Variants in ITCH observed in about 807,000 individuals in gnomAD.
ITCH encodes the protein itchy E3 ubiquitin protein ligase.
Under a neutral mutation model 126.8 loss-of-function variants are expected in ITCH, and 28 were observed. That is an observed-to-expected ratio of 0.22 (90% CI 0.16 to 0.30). ITCH has a LOEUF of 0.30. Among genes scored for constraint, ITCH ranks in the 10% least tolerant of loss-of-function variants. The pLI is 1.00. For synonymous variants in ITCH, 342 were observed against 340.0 expected (o/e 1.01, Z -0.06); for missense variants, 631 against 1,032.4 (o/e 0.61, Z 5.33).
intron 3 of ITCH, among the ~76,000 whole-genome samples, chr20:34,400,330 G>T (rs1239358409): frequency 6.6e-6 from 1 of 152,100 alleles, no homozygotes; most frequent in Non-Finnish European, 1.5e-5. Flanking sequence ...CTTTCCATAA[G>T]TGTTGGAATT....
intron 2 of ITCH, among the ~76,000 whole-genome samples, chr20:34,388,336 G>A (rs372112820): frequency 6.6e-6 from 1 of 152,012 alleles, no homozygotes; most frequent in East Asian, 1.9e-4. Flanking sequence ...CTTTTAGTTT[G>A]TTTGTTTGCT....
intron 2 of ITCH, among the ~76,000 whole-genome samples, chr20:34,382,919 T>A (rs1054693890): frequency 1.3e-5 from 2 of 151,592 alleles, no homozygotes; most frequent in Admixed American, 1.3e-4. Context: ...AATTTTTGTA[T>A]TTTTAGTAGA....
intron 20 of ITCH, among the ~76,000 whole-genome samples, chr20:34,483,953 G>A (rs551517906): frequency 1.3e-5 from 2 of 152,270 alleles, no homozygotes; most frequent in East Asian, 1.9e-4. Flanking sequence ...AATGGCAGCC[G>A]GCAAAGAGAG....
At chr20:34,405,598 T>G (rs1403538393) in intron 3 of ITCH, among the ~76,000 whole-genome samples, 10 of 152,200 alleles carry the variant, frequency 6.6e-5, no homozygotes, top group Non-Finnish European at 1.3e-4. Flanking sequence ...GTTCTAGGTT[T>G]AATCAGTTTC....
chr20:34,369,924 C>T (rs568836809), intron 2 of ITCH, among the ~76,000 whole-genome samples: 4 of 151,466 alleles, frequency 2.6e-5, no homozygotes, highest in Admixed American at 1.3e-4. Flanking sequence ...GACAACATGG[C>T]GAGACCCTGA....
intron 3 of ITCH, chr20:34,402,558 A>G (rs2038924444): frequency 1.4e-6 from 1 of 726,348 alleles, no homozygotes; most frequent in Non-Finnish European, 2.6e-6. Flanking sequence ...CAAAAAGTCC[A>G]AGAGTATATG....
intron 7 of ITCH, 80 bp from the exon 8 acceptor site, chr20:34,438,394 C>G: frequency 6.8e-7 from 1 of 1,468,856 alleles, no homozygotes; most frequent in Non-Finnish European, 9.5e-7. Flanking sequence ...AGTTTTCATC[C>G]TCCTGCTGTT....
intron 14 of ITCH, among the ~76,000 whole-genome samples, chr20:34,468,309 C>T (rs567216046): frequency 6.6e-6 from 1 of 151,134 alleles, no homozygotes. Context: ...GCTGGGATTA[C>T]AGGCGTGAGC....
chr20:34,506,150 A>G (rs1600519426), intron 24 of ITCH, among the ~76,000 whole-genome samples: 1 of 151,376 alleles, frequency 6.6e-6, no homozygotes, highest in Admixed American at 6.6e-5. Flanking sequence ...TGCACCCTCC[A>G]CCTCCCGGGC....
intron 1 of ITCH, among the ~76,000 whole-genome samples, chr20:34,369,103 GTGGAT>G (rs954831492): frequency 1.1e-4 from 17 of 152,194 alleles, no homozygotes; most frequent in African/African-American, 3.9e-4. Flanking sequence ...GCTGAGGTGG[GTGGAT>G]CACGAGGTCA....
chr20:34,373,140 A>G (rs2037704102), intron 2 of ITCH, among the ~76,000 whole-genome samples: 1 of 151,938 alleles, frequency 6.6e-6, no homozygotes, highest in African/African-American at 2.4e-5. Flanking sequence ...ACGCCCAGCT[A>G]ATTTTGTATT....
chr20:34,449,023 C>CA (rs1301932190), intron 11 of ITCH, among the ~76,000 whole-genome samples: 1 of 152,090 alleles, frequency 6.6e-6, no homozygotes, highest in Non-Finnish European at 1.5e-5. Flanking sequence ...TTTTGAGTTA[C>CA]ACATATAATA....
intron 23 of ITCH, among the ~76,000 whole-genome samples, chr20:34,502,097 AGTT>A (rs1990284500): frequency 6.6e-6 from 1 of 152,342 alleles, no homozygotes; most frequent in Non-Finnish European, 1.5e-5. Context: ...TCTACACAGA[AGTT>A]GTATGGTTTA....
At chr20:34,368,034 G>A (rs2037482000) in intron 1 of ITCH, among the ~76,000 whole-genome samples, 2 of 152,172 alleles carry the variant, frequency 1.3e-5, no homozygotes, top group South Asian at 4.1e-4. Context: ...ATTTTGGGAG[G>A]CTGAAGCGGG....
At chr20:34,437,077 C>T (rs771348158) in intron 7 of ITCH, among the ~76,000 whole-genome samples, 1 of 150,502 alleles carries the variant, frequency 6.6e-6, no homozygotes, top group Non-Finnish European at 1.5e-5. Flanking sequence ...TGCAGTGAGC[C>T]GAGATCACAC....
chr20:34,366,250 A>G (rs1162878641), intron 1 of ITCH, among the ~76,000 whole-genome samples: 2 of 152,038 alleles, frequency 1.3e-5, no homozygotes, highest in Non-Finnish European at 2.9e-5. Flanking sequence ...ATGAAAAGTG[A>G]TTTTTTGTTG....
rs1002862910 is a variant in ITCH, at chr20:34,442,384, G to A, written c.965+81G>A. The A allele has an allele frequency of 3.4e-5, 36 of 1,065,350 alleles. No homozygotes were observed. In the African/African-American group the frequency reaches 5.2e-4, roughly 15 times the overall value. 66.0% of individuals were successfully genotyped at this position (1,065,350 alleles called of 1,614,324 possible). ...ACTGTATAATCTTCCCTACATTTCTGTTTTACTTTTTCTTGTCAGCCCTTT... is the reference window on the plus strand; with the variant it reads ...ACTGTATAATCTTCCCTACATTTCTATTTTACTTTTTCTTGTCAGCCCTTT... On this transcript the variant is annotated intron_variant, in intron 10 of 24. Transcript: ENST00000374864.
chr20:34,401,039 G>A (rs1304916303), intron 3 of ITCH, among the ~76,000 whole-genome samples: 2 of 152,108 alleles, frequency 1.3e-5, no homozygotes, highest in African/African-American at 4.8e-5. Flanking sequence ...AATTACAGGC[G>A]TGAGCCATTG....
intron 1 of ITCH, among the ~76,000 whole-genome samples, 159 bp downstream of exon 1, chr20:34,363,508 C>CG (rs2037278814): frequency 6.6e-6 from 1 of 151,910 alleles, no homozygotes; most frequent in African/African-American, 2.4e-5. Flanking sequence ...GTCGGGGGCG[C>CG]GGGGAGCTCG....
Sources: allele counts gnomAD v4.1 joint callset (sites outside exome capture counted in the v4.1 genomes callset), GRCh38; gene constraint gnomAD v4.1.1; transcripts MANE v1.5; gene names NCBI Gene and HGNC (gene_info 2026-07-23, HGNC 2026-07-21).